The following PGAP3 variants were observed in gnomAD, a reference collection of about 807,000 sequenced individuals.
PGAP3 encodes GPI-specific phospholipase A2-like PGAP3.
Under a neutral mutation model 40.3 loss-of-function variants are expected in PGAP3, and 31 were observed. The ratio of observed to expected loss-of-function variants is 0.77; its 90% CI spans 0.58 to 1.04. PGAP3 has a LOEUF of 1.04. Among genes scored for constraint, PGAP3 ranks in the 50% least tolerant of loss-of-function variants. The probability of loss-of-function intolerance (pLI) is 0.00; values close to 1 mark genes in which losing one functional copy is unlikely to be tolerated. For missense variants in PGAP3, 413 were observed against 423.0 expected (o/e 0.98, Z 0.21); for synonymous variants, 191 against 184.5 (o/e 1.04, Z -0.29).
At position 39,673,172 on chromosome 17, in the gene PGAP3, C is replaced by G. The variant is rs1200178154; in HGVS notation, c.778G>C (p.Val260Leu). ...AGGGACAGCCCCTGCAGCAGCAAGACCACCACCACGCACTTGCGCACGTGA... is the reference window on the plus strand; with the variant it reads ...AGGGACAGCCCCTGCAGCAGCAAGAGCACCACCACGCACTTGCGCACGTGA... ...LPHVRKCVVV[V>L]LLLQGLSLLE... The change falls in exon 7 of 8, where the codon GTC becomes CTC. Residue 260 changes from valine (V) to leucine (L), a missense_variant. By Grantham distance (32) the Val-to-Leu change is conservative. Coordinates refer to ENST00000300658, the MANE Select transcript of PGAP3 (RefSeq NM_033419.5). The G allele has an allele frequency of 6.3e-7, 1 of 1,587,088 alleles. No individual in the cohort carries two copies. Among genetic ancestry groups the G allele is most frequent in the Non-Finnish European group, 8.6e-7 (1 of 1,167,374 alleles).
intron 3 of PGAP3, among the ~76,000 whole-genome samples, chr17:39,679,665 C>T (rs112156185): frequency 1.1e-3 from 172 of 152,340 alleles, no homozygotes; most frequent in African/African-American, 4.0e-3. Context: ...AAGAGGCCTA[C>T]ACAGGAAGTG....
At chr17:39,676,209 G>A (rs1053774591) in intron 3 of PGAP3, among the ~76,000 whole-genome samples, 2 of 152,232 alleles carry the variant, frequency 1.3e-5, no homozygotes, top group Admixed American at 6.5e-5. Context: ...TTGGGCTGGA[G>A]ACGGGACCCA....
At chr17:39,679,981 C>T (rs2057419587) in intron 3 of PGAP3, among the ~76,000 whole-genome samples, 1 of 152,152 alleles carries the variant, frequency 6.6e-6, no homozygotes, top group Non-Finnish European at 1.5e-5. Flanking sequence ...ACGCGGTCTC[C>T]CCACCTCACG....
chr17:39,686,146 A>C, intron 1 of PGAP3, 127 bp from the exon 2 acceptor site: 8 of 726,370 alleles, frequency 1.1e-5, no homozygotes, highest in East Asian at 2.8e-5. Flanking sequence ...GAGAAATCTC[A>C]AAATTCTAGC....
chr17:39,675,507 C>A (rs1361645574), intron 3 of PGAP3, among the ~76,000 whole-genome samples: 1 of 152,138 alleles, frequency 6.6e-6, no homozygotes, highest in African/African-American at 2.4e-5. Flanking sequence ...GAAATCGTGA[C>A]AACCAAAGGA....
chr17:39,686,039 C>T lies in PGAP3; in HGVS notation c.182-20G>A. 1.2e-6 allele frequency: 2 copies of T among 1,600,652 alleles called. No individual in the cohort carries two copies. The highest frequency in any genetic ancestry group is 1.3e-5 in the African/African-American group (1 of 74,670). ...TCCAGCCTGAAACAGACAAATGTGG[C>T]CTGGTGAACTCCCCAGCACAGAGAG... On this transcript the variant is annotated intron_variant, in intron 1 of 7. Coordinates refer to ENST00000300658, the MANE Select transcript of PGAP3 (RefSeq NM_033419.5).
chr17:39,677,297 T>G (rs556360506), intron 3 of PGAP3, among the ~76,000 whole-genome samples: 1 of 152,286 alleles, frequency 6.6e-6, no homozygotes, highest in Non-Finnish European at 1.5e-5. Flanking sequence ...TCCAGTAGAC[T>G]GACTCTCACC....
intron 3 of PGAP3, among the ~76,000 whole-genome samples, chr17:39,680,557 T>C (rs2145126993): frequency 6.6e-6 from 1 of 152,280 alleles, no homozygotes; most frequent in South Asian, 2.1e-4. Flanking sequence ...TCAGCTTTTC[T>C]AAGGCCCTAG....
chr17:39,686,039 C>G lies in PGAP3; in HGVS notation c.182-20G>C, dbSNP rs757473139. On this transcript the variant is annotated intron_variant, in intron 1 of 7. Transcript: ENST00000300658. ...TCCAGCCTGAAACAGACAAATGTGG[C>G]CTGGTGAACTCCCCAGCACAGAGAG... The G allele has an allele frequency of 6.2e-7, 1 of 1,600,652 alleles. No individual in the cohort carries two copies. The highest frequency in any genetic ancestry group is 8.5e-7 in the Non-Finnish European group (1 of 1,169,646).
chr17:39,676,211 C>T (rs1393655963), intron 3 of PGAP3, among the ~76,000 whole-genome samples: 2 of 152,142 alleles, frequency 1.3e-5, no homozygotes, highest in African/African-American at 2.4e-5. Flanking sequence ...GGGCTGGAGA[C>T]GGGACCCAGG....
At position 39,673,589 on chromosome 17, in the gene PGAP3, G is replaced by C; in HGVS notation, c.619C>G (p.Leu207Val). The C allele has an allele frequency of 1.2e-6, 2 of 1,614,154 alleles. No homozygotes were observed. Among genetic ancestry groups the C allele is most frequent in the Non-Finnish European group, 1.7e-6 (2 of 1,180,028 alleles). The change falls in exon 6 of 8, where the codon CTG (leucine) becomes GTG (valine). Residue 207 changes from leucine (L) to valine (V), a missense_variant. Physicochemically the swap from Leu to Val is conservative, Grantham distance 32 (BLOSUM62 1). Coordinates refer to ENST00000300658, the MANE Select transcript of PGAP3 (RefSeq NM_033419.5). The stretch of plus-strand genomic sequence containing the variant: ...CTCAGGTAGGAGACGTGCACGGTCA[G>C]CATGAGCAGCAGGAGAGCCCGGAAG... ...SAFRALLLLM[L>V]TVHVSYLSLI... is the part of the protein sequence containing the mutation.
Position 39,684,726 on chromosome 17 carries a change from G to T in PGAP3, c.303C>A (p.Phe101Leu). 1 of 1,610,610 alleles carries T rather than the reference G, an allele frequency of 6.2e-7. No individual in the cohort carries two copies. The highest frequency in any genetic ancestry group is 8.5e-7 in the Non-Finnish European group (1 of 1,178,504). The change falls in exon 3 of 8, where the codon TTC (phenylalanine) becomes TTA (leucine). Residue 101 changes from phenylalanine to leucine, a missense_variant. Transcript: ENST00000300658. ...CCACGGCCGATGCCGGCTCTTGAAAGAACAGGAACCGGGAGAAGGGCCACT... is the reference window on the plus strand; with the variant it reads ...CCACGGCCGATGCCGGCTCTTGAAATAACAGGAACCGGGAGAAGGGCCACT... ...HGKWPFSRFLFFQEPASAVAS... is the reference protein window; with the variant it reads ...HGKWPFSRFLLFQEPASAVAS...
intron 3 of PGAP3, among the ~76,000 whole-genome samples, chr17:39,677,968 C>G (rs1029927064): frequency 1.3e-5 from 2 of 152,126 alleles, no homozygotes; most frequent in Non-Finnish European, 2.9e-5. Context: ...AAATATGATG[C>G]CTGCTGCCAT....
chr17:39,673,486 A>G (rs2057335964), intron 6 of PGAP3, 28 bp downstream of exon 6: 6 of 1,613,792 alleles, frequency 3.7e-6, no homozygotes, highest in Non-Finnish European at 5.1e-6. Flanking sequence ...GCACTTCTGC[A>G]GATGGCCCAA....
chr17:39,673,234 C>A lies in PGAP3; in HGVS notation c.716G>T (p.Trp239Leu). Reference protein sequence around the residue: ...VAIGLVNVVWWLAWCLWNQRR... With the variant: ...VAIGLVNVVWLLAWCLWNQRR... ...CTGGTTCCACAGGCACCAGGCCAGCCACCACACCACGTTGACCAGGCCTGG... is the reference window on the plus strand; with the variant it reads ...CTGGTTCCACAGGCACCAGGCCAGCAACCACACCACGTTGACCAGGCCTGG... The change falls in exon 7 of 8, where the codon TGG (tryptophan) becomes TTG (leucine). Residue 239 changes from tryptophan (W) to leucine (L), a missense_variant. Coordinates refer to ENST00000300658, the MANE Select transcript of PGAP3 (RefSeq NM_033419.5). 6.4e-7 allele frequency: 1 copy of A among 1,561,922 alleles called. No homozygotes were observed. The highest frequency in any genetic ancestry group is 8.7e-7 in the Non-Finnish European group (1 of 1,153,144).
intron 3 of PGAP3, among the ~76,000 whole-genome samples, chr17:39,675,833 G>A (rs556700297): frequency 5.3e-5 from 8 of 152,318 alleles, no homozygotes; most frequent in East Asian, 3.9e-4. Context: ...TCTGGAAGGC[G>A]CAAGGCTGCC....
intron 3 of PGAP3, among the ~76,000 whole-genome samples, chr17:39,677,077 G>A (rs866456273): frequency 3.9e-5 from 6 of 152,150 alleles, no homozygotes; most frequent in South Asian, 2.1e-4. Context: ...CAGCCCCTAC[G>A]CAGCTGTGTG....
intron 4 of PGAP3, 52 bp from the exon 5 acceptor site, chr17:39,674,106 A>G (rs1597813519): frequency 6.4e-7 from 1 of 1,570,120 alleles, no homozygotes; most frequent in African/African-American, 1.4e-5. Context: ...CACGGAGAGG[A>G]CCCGCGGGGA....
At chr17:39,677,832 A>T (rs1240421032) in intron 3 of PGAP3, among the ~76,000 whole-genome samples, 1 of 152,258 alleles carries the variant, frequency 6.6e-6, no homozygotes, top group Non-Finnish European at 1.5e-5. Context: ...CAAGTGAGCC[A>T]GATCTGTCAG....
Sources: allele counts gnomAD v4.1 joint callset (sites outside exome capture counted in the v4.1 genomes callset), GRCh38; gene constraint gnomAD v4.1.1; transcripts MANE v1.5; gene names NCBI Gene and HGNC (gene_info 2026-07-23, HGNC 2026-07-21).